The following MAPK4 variants were observed in gnomAD, a reference collection of about 807,000 sequenced individuals.
The protein encoded by MAPK4 is Erk3-related.
In MAPK4, 22 loss-of-function variants were observed where a neutral mutation model predicts 47.7. That is an observed-to-expected ratio of 0.46 (90% CI 0.33 to 0.66). The LOEUF (loss-of-function observed/expected upper bound fraction) is 0.66. Ranked by LOEUF, MAPK4 falls within the 30% of genes least tolerant of loss-of-function variation. The probability of loss-of-function intolerance (pLI) is 0.02; values close to 1 mark genes in which losing one functional copy is unlikely to be tolerated. For synonymous variants in MAPK4, 390 were observed against 365.7 expected (o/e 1.07, Z -0.76); for missense variants, 736 against 831.7 (o/e 0.88, Z 1.42).
chr18:50,618,084 T>G (rs981879633), intron 1 of MAPK4, among the ~76,000 whole-genome samples: 1 of 152,202 alleles, frequency 6.6e-6, no homozygotes, highest in African/African-American at 2.4e-5. Flanking sequence ...ATGTATACAC[T>G]TAGCCTTTTT....
intron 1 of MAPK4, among the ~76,000 whole-genome samples, chr18:50,571,425 TA>T (rs902770485): frequency 2.0e-5 from 3 of 152,190 alleles, no homozygotes; most frequent in African/African-American, 7.2e-5. Context: ...TCTGTTCTCC[TA>T]GAAGATGTGC....
Position 50,682,203 on chromosome 18 carries a change from T to C in MAPK4, c.546+17699T>C, listed in dbSNP as rs571656680. 3.2e-4 allele frequency among the ~76,000 whole-genome samples: 49 copies of C among 152,304 alleles called. No homozygotes were observed. In the South Asian group the frequency reaches 9.7e-3, roughly 30 times the overall value. On this transcript the variant is annotated intron_variant, in intron 2 of 5. Transcript: ENST00000400384. The stretch of plus-strand genomic sequence containing the variant: ...CTAAAACCCACTAAATAGTACACTT[T>C]AAAATGGTGAATTTTACGACGTGTG...
chr18:50,562,130 T>C (rs550352692), intron 1 of MAPK4, among the ~76,000 whole-genome samples: 7 of 152,230 alleles, frequency 4.6e-5, no homozygotes, highest in Non-Finnish European at 1.0e-4. Flanking sequence ...GGATTAATTG[T>C]AATTTTTCTT....
chr18:50,637,645 C>T (rs2042899575), intron 1 of MAPK4, among the ~76,000 whole-genome samples: 1 of 152,202 alleles, frequency 6.6e-6, no homozygotes, highest in Admixed American at 6.5e-5. Context: ...GCTGGGGTTG[C>T]TGTGACAGAA....
intron 1 of MAPK4, among the ~76,000 whole-genome samples, chr18:50,640,721 C>T (rs1188894572): frequency 6.6e-6 from 1 of 152,194 alleles, no homozygotes; most frequent in Non-Finnish European, 1.5e-5. Flanking sequence ...CCGCCTTGGC[C>T]TACCAAAGTG....
chr18:50,634,125 T>C (rs984202570), intron 1 of MAPK4, among the ~76,000 whole-genome samples: 13 of 152,158 alleles, frequency 8.5e-5, no homozygotes. Context: ...CTTTTCCAAA[T>C]ATGCTCAATG....
chr18:50,568,918 C>T (rs1237650484), intron 1 of MAPK4, among the ~76,000 whole-genome samples: 1 of 152,198 alleles, frequency 6.6e-6, no homozygotes, highest in African/African-American at 2.4e-5. Flanking sequence ...TTCAAATCTG[C>T]AATGTTACTT....
intron 1 of MAPK4, among the ~76,000 whole-genome samples, chr18:50,587,482 T>C (rs1396863722): frequency 6.6e-6 from 1 of 152,154 alleles, no homozygotes; most frequent in Non-Finnish European, 1.5e-5. Context: ...GGGTTAAATG[T>C]CTTGTCCAAA....
intron 4 of MAPK4, 23 bp from the exon 5 acceptor site, chr18:50,725,939 A>G: frequency 6.2e-7 from 1 of 1,603,208 alleles, no homozygotes; most frequent in East Asian, 2.2e-5. Flanking sequence ...AATGACCTTC[A>G]TGTCCGGCTT....
intron 1 of MAPK4, among the ~76,000 whole-genome samples, chr18:50,648,055 A>G (rs2043007516): frequency 6.6e-6 from 1 of 151,680 alleles, no homozygotes; most frequent in East Asian, 1.9e-4. Context: ...TCTAGACACC[A>G]TGCTTTTGCT....
At chr18:50,571,697 A>G (rs1002470849) in intron 1 of MAPK4, among the ~76,000 whole-genome samples, 1 of 152,144 alleles carries the variant, frequency 6.6e-6, no homozygotes, top group Non-Finnish European at 1.5e-5. Flanking sequence ...ATTTATGTGG[A>G]TTTGAGTTTT....
Position 50,729,683 on chromosome 18 carries a change from C to T in MAPK4, c.1593C>T (p.Gly531=), listed in dbSNP as rs781662648. The part of the protein sequence containing the change: ...SPPGRPAPVD[G]GASPQFDLDV... ...CCGGCCGCCCGGCCCCGGTGGACGG[C>T]GGCGCCAGCCCCCAGTTCGACCTGG... Residue 531 remains glycine (G), a synonymous_variant, in exon 6 of 6, where the codon GGC becomes GGT. Transcript: ENST00000400384. 5 of 1,532,564 alleles carry T rather than the reference C, an allele frequency of 3.3e-6. No homozygotes were observed. Among genetic ancestry groups the T allele is most frequent in the Non-Finnish European group, 4.4e-6 (5 of 1,134,294 alleles). 94.9% of individuals were successfully genotyped at this position (1,532,564 alleles called of 1,614,324 possible).
chr18:50,639,815 G>A (rs932730040), intron 1 of MAPK4, among the ~76,000 whole-genome samples: 3 of 152,144 alleles, frequency 2.0e-5, no homozygotes, highest in African/African-American at 7.2e-5. Flanking sequence ...CCCTTGATTA[G>A]CTCACCTGGT....
chr18:50,657,862 G>A (rs1254786404), intron 1 of MAPK4, among the ~76,000 whole-genome samples: 1 of 152,100 alleles, frequency 6.6e-6, no homozygotes, highest in Non-Finnish European at 1.5e-5. Flanking sequence ...AGTCATTCCT[G>A]GGTAGGCTCA....
chr18:50,721,391 G>A (rs7242753), intron 3 of MAPK4, among the ~76,000 whole-genome samples: 1,749 of 152,300 alleles, frequency 0.011, 38 homozygotes, highest in African/African-American at 0.04. Context: ...ACCTGGCATA[G>A]CCTGGCCTGC....
chr18:50,573,509 G>C (rs1450065494), intron 1 of MAPK4, among the ~76,000 whole-genome samples: 1 of 152,164 alleles, frequency 6.6e-6, no homozygotes, highest in Non-Finnish European at 1.5e-5. Context: ...TGCTCCTTAT[G>C]AGAATCTAAT....
intron 2 of MAPK4, among the ~76,000 whole-genome samples, chr18:50,710,298 C>T (rs985979127): frequency 2.6e-5 from 4 of 151,886 alleles, no homozygotes; most frequent in Admixed American, 2.0e-4. Flanking sequence ...GCCTGGGCAA[C>T]GTGGCAAAAC....
chr18:50,666,267 G>C (rs563201001), intron 2 of MAPK4, among the ~76,000 whole-genome samples: 43 of 152,182 alleles, frequency 2.8e-4, no homozygotes, highest in Non-Finnish European at 5.9e-4. Flanking sequence ...CCTTTAGGAG[G>C]AGTCAGAGGT....
intron 1 of MAPK4, among the ~76,000 whole-genome samples, chr18:50,583,955 C>T (rs1293203306): frequency 6.6e-6 from 1 of 152,184 alleles, no homozygotes; most frequent in Non-Finnish European, 1.5e-5. Context: ...TTCCTCTTCA[C>T]AGCAGTGAAT....
Sources: gnomAD v4.1 joint callset for allele counts (sites outside exome capture counted in the v4.1 genomes callset) on GRCh38, gnomAD v4.1.1 for gene constraint, MANE v1.5 for transcripts, NCBI Gene and HGNC (gene_info 2026-07-23, HGNC 2026-07-21) for gene names.